The following CTNNA2 variants were observed in gnomAD, a reference collection of about 807,000 sequenced individuals.
The protein encoded by CTNNA2 is catenin alpha 2, also known as catenin alpha-2.
A neutral mutation model predicts 101.0 loss-of-function variants in CTNNA2; 42 were observed. The observed-to-expected ratio is 0.42, with a 90% CI of 0.32 to 0.54. The LOEUF (loss-of-function observed/expected upper bound fraction) is 0.54, where lower values mean the gene tolerates loss of function less well. Among genes scored for constraint, CTNNA2 ranks in the 20% least tolerant of loss-of-function variants. The pLI is 0.14. For missense variants in CTNNA2, 871 were observed against 1,223.1 expected (o/e 0.71, Z 4.29); for synonymous variants, 450 against 456.4 (o/e 0.99, Z 0.18).
chr2:79,625,141 A>G (rs562583429), intron 1 of CTNNA2, among the ~76,000 whole-genome samples: 1 of 152,272 alleles, frequency 6.6e-6, no homozygotes, highest in South Asian at 2.1e-4. Flanking sequence ...AAAAGATAGG[A>G]AAGAACTTTA....
At chr2:79,636,633 A>G (rs1202175756) in intron 1 of CTNNA2, among the ~76,000 whole-genome samples, 2 of 152,156 alleles carry the variant, frequency 1.3e-5, no homozygotes, top group African/African-American at 2.4e-5. Context: ...TTTTATTTAG[A>G]TAAGGAATGT....
chr2:80,515,246 A>G (rs1332662914), intron 9 of CTNNA2, among the ~76,000 whole-genome samples: 3 of 152,128 alleles, frequency 2.0e-5, no homozygotes, highest in Non-Finnish European at 2.9e-5. Flanking sequence ...AATTCTGTCA[A>G]CTGACCCACC....
chr2:79,413,934 CATATAT>C (rs70940033), intron 4 of CTNNA2, among the ~76,000 whole-genome samples: 8,325 of 139,248 alleles, frequency 0.06, 318 homozygotes, highest in African/African-American at 0.11. Context: ...GAGCTGAATT[CATATAT>C]ATATATATAT....
At chr2:80,559,079 CTCTAGACATTGCCAGATATCCTTGAAG>C (rs1347062136) in intron 12 of CTNNA2, among the ~76,000 whole-genome samples, 3 of 152,262 alleles carry the variant, frequency 2.0e-5, no homozygotes, top group South Asian at 2.1e-4. Flanking sequence ...ACCAAGATGT[CTCTAGACATTGCCAGATATCCTTGAAG>C]GAAGTGGGTC....
At chr2:79,906,313 G>C (rs1446191241) in intron 6 of CTNNA2, among the ~76,000 whole-genome samples, 1 of 147,758 alleles carries the variant, frequency 6.8e-6, no homozygotes, top group African/African-American at 2.5e-5. Context: ...CACACACACA[G>C]ACACACACCC....
intron 14 of CTNNA2, among the ~76,000 whole-genome samples, chr2:80,582,954 T>C (rs2149721317): frequency 6.6e-6 from 1 of 152,274 alleles, no homozygotes; most frequent in South Asian, 2.1e-4. Flanking sequence ...CTTTATGCCC[T>C]GATATTCTCA....
chr2:79,909,680 C>T lies in CTNNA2; in HGVS notation c.939C>T (p.Gly313=), dbSNP rs370498426. The stretch of plus-strand genomic sequence containing the variant: ...AGAGGCTGGAGAGCATCATCAGCGG[C>T]GCAGCGCTGATGGCCGACTCCTCCT... ...LEERLESIIS[G]AALMADSSCT... The change falls in exon 7 of 19, where the codon GGC becomes GGT. Residue 313 remains glycine, a synonymous_variant. Coordinates refer to ENST00000402739, the MANE Select transcript of CTNNA2 (RefSeq NM_001282597.3). 1.2e-5 allele frequency: 19 copies of T among 1,613,648 alleles called. No homozygotes were observed. In the African/African-American group the frequency reaches 1.9e-4, roughly 16 times the overall value.
At chr2:80,236,488 CT>C (rs1709557502) in intron 7 of CTNNA2, among the ~76,000 whole-genome samples, 1 of 152,218 alleles carries the variant, frequency 6.6e-6, no homozygotes, top group South Asian at 2.1e-4. Flanking sequence ...TTTTTTCCAT[CT>C]TGTGCCTTCT....
chr2:80,299,045 C>T (rs1676009558), intron 7 of CTNNA2: 1 of 152,124 alleles, frequency 6.6e-6, no homozygotes, highest in African/African-American at 2.4e-5. Context: ...AATACCACTG[C>T]TGAACTTTAA....
chr2:79,451,408 G>A (rs1320560595), intron 4 of CTNNA2, among the ~76,000 whole-genome samples: 1 of 151,932 alleles, frequency 6.6e-6, no homozygotes, highest in Non-Finnish European at 1.5e-5. Flanking sequence ...AATGTGTTAT[G>A]AGCAGTCATT....
intron 7 of CTNNA2, among the ~76,000 whole-genome samples, chr2:79,955,747 C>T (rs1024646283): frequency 6.6e-6 from 1 of 152,138 alleles, no homozygotes; most frequent in Non-Finnish European, 1.5e-5. Context: ...AACTCCTGGG[C>T]TTAAGCGATC....
chr2:79,419,335 G>T (rs906359334), intron 4 of CTNNA2, among the ~76,000 whole-genome samples: 1 of 152,136 alleles, frequency 6.6e-6, no homozygotes, highest in Non-Finnish European at 1.5e-5. Flanking sequence ...AGTTCGAAGA[G>T]CACTGGAAAA....
intron 2 of CTNNA2, among the ~76,000 whole-genome samples, chr2:79,693,739 G>C (rs1049005566): frequency 3.3e-5 from 5 of 151,902 alleles, no homozygotes; most frequent in South Asian, 2.1e-4. Flanking sequence ...GTGATAATAG[G>C]GTATGTGGAT....
chr2:79,958,852 A>G (rs1689429974), intron 7 of CTNNA2, among the ~76,000 whole-genome samples: 1 of 151,128 alleles, frequency 6.6e-6, no homozygotes, highest in Non-Finnish European at 1.5e-5. Flanking sequence ...TCTATTATTT[A>G]TTGGATTAAG....
At chr2:80,197,161 A>G (rs977431485) in intron 7 of CTNNA2, among the ~76,000 whole-genome samples, 1 of 152,122 alleles carries the variant, frequency 6.6e-6, no homozygotes, top group Non-Finnish European at 1.5e-5. Flanking sequence ...CACAATCTGT[A>G]GTCAATTATT....
intron 7 of CTNNA2, among the ~76,000 whole-genome samples, chr2:80,205,152 A>T (rs1707456041): frequency 6.6e-6 from 1 of 152,194 alleles, no homozygotes; most frequent in Admixed American, 6.5e-5. Context: ...CTCAGTTCTG[A>T]TATTCTTGGC....
intron 1 of CTNNA2, among the ~76,000 whole-genome samples, chr2:79,643,398 C>A (rs959284370): frequency 2.6e-5 from 4 of 151,996 alleles, no homozygotes; most frequent in African/African-American, 9.7e-5. Context: ...CGTTCCTGAA[C>A]CAGCAGCAGC....
At chr2:79,470,794 GT>G (rs1670989763) in intron 4 of CTNNA2, among the ~76,000 whole-genome samples, 1 of 152,152 alleles carries the variant, frequency 6.6e-6, no homozygotes, top group Non-Finnish European at 1.5e-5. Context: ...GTGGAACACT[GT>G]TTGTATAACT....
intron 4 of CTNNA2, among the ~76,000 whole-genome samples, chr2:79,451,315 T>G (rs1449789640): frequency 6.6e-6 from 1 of 152,082 alleles, no homozygotes; most frequent in African/African-American, 2.4e-5. Context: ...TAGTTTCAAG[T>G]GATTGAGAAA....
Sources: gnomAD v4.1 joint callset for allele counts (sites outside exome capture counted in the v4.1 genomes callset) on GRCh38, gnomAD v4.1.1 for gene constraint, MANE v1.5 for transcripts, NCBI Gene and HGNC (gene_info 2026-07-23, HGNC 2026-07-21) for gene names.